DSN1: variants seen among roughly 807,000 people sequenced by gnomAD.
The protein encoded by DSN1 is kinetochore-associated protein DSN1 homolog.
DSN1 carries 31 observed loss-of-function variants against 45.7 expected under a neutral mutation model. The ratio of observed to expected loss-of-function variants is 0.68; its 90% CI spans 0.51 to 0.92. The LOEUF (loss-of-function observed/expected upper bound fraction) is 0.92, where lower values mean the gene tolerates loss of function less well. Ranked by LOEUF, DSN1 falls within the 40% of genes least tolerant of loss-of-function variation. The pLI is 0.00. For synonymous variants in DSN1, 134 were observed against 142.3 expected (o/e 0.94, Z 0.41); for missense variants, 394 against 414.2 (o/e 0.95, Z 0.42).
intron 9 of DSN1, 142 bp from the exon 10 acceptor site, chr20:36,754,992 G>A: frequency 1.5e-6 from 1 of 686,660 alleles, no homozygotes; most frequent in Non-Finnish European, 2.5e-6. Context: ...AATTCTGTTT[G>A]TTCCTCCAAA....
intron 5 of DSN1, among the ~76,000 whole-genome samples, chr20:36,765,961 G>A (rs1987308690): frequency 6.6e-6 from 1 of 151,466 alleles, no homozygotes; most frequent in African/African-American, 2.4e-5. Flanking sequence ...AGGAGGCCAA[G>A]GCGGGCGGAT....
intron 8 of DSN1, 68 bp downstream of exon 8, chr20:36,758,019 G>T: frequency 2.1e-6 from 3 of 1,416,278 alleles, no homozygotes; most frequent in Non-Finnish European, 3.0e-6. Flanking sequence ...TGTGCTAACA[G>T]AACTGAAATA....
At chr20:36,754,100 G>A (rs868274113) in intron 10 of DSN1, among the ~76,000 whole-genome samples, 2 of 152,150 alleles carry the variant, frequency 1.3e-5, no homozygotes, top group African/African-American at 2.4e-5. Flanking sequence ...GGCTGAGGCA[G>A]GATGATCACT....
chr20:36,770,437 C>T (rs1215704950), intron 3 of DSN1, among the ~76,000 whole-genome samples: 1 of 152,192 alleles, frequency 6.6e-6, no homozygotes, highest in Non-Finnish European at 1.5e-5. Flanking sequence ...AGGTATCAAC[C>T]CAACTATCTT....
intron 3 of DSN1, among the ~76,000 whole-genome samples, chr20:36,770,637 T>C (rs895302253): frequency 3.3e-5 from 5 of 152,146 alleles, no homozygotes; most frequent in South Asian, 2.1e-4. Context: ...AGTGGGAGGA[T>C]TGCTTGAGCC....
chr20:36,755,684 C>T lies in DSN1; in HGVS notation c.871G>A (p.Val291Met). 6.2e-7 allele frequency: 1 copy of T among 1,612,286 alleles called. No individual in the cohort carries two copies. Among genetic ancestry groups the T allele is most frequent in the Non-Finnish European group, 8.5e-7 (1 of 1,179,330 alleles). The part of the protein sequence containing the change: ...QSKVFDCMEL[V>M]MDELQGSVKQ... ...TAAATAAACATGAGCCCACTTACCA[C>T]CAACTCCATACAGTCAAAGACTTTG... Residue 291 changes from valine to methionine, a missense_variant and splice_region_variant, in exon 9 of 11, where the codon GTG (valine) becomes ATG (methionine). Coordinates refer to ENST00000373750, the MANE Select transcript of DSN1 (RefSeq NM_001145315.2).
At chr20:36,763,241 TAAAAATAC>T (rs2148272024) in intron 5 of DSN1, among the ~76,000 whole-genome samples, 2 of 151,536 alleles carry the variant, frequency 1.3e-5, no homozygotes, top group East Asian at 3.9e-4. Context: ...CTGTCTCTAC[TAAAAATAC>T]AAAAATATAC....
chr20:36,765,097 G>A (rs1023999551), intron 5 of DSN1, among the ~76,000 whole-genome samples: 4 of 151,914 alleles, frequency 2.6e-5, no homozygotes, highest in African/African-American at 9.7e-5. Context: ...AAGAAAACAA[G>A]TCCCTACATG....
At chr20:36,764,685 C>G (rs942739513) in intron 5 of DSN1, among the ~76,000 whole-genome samples, 7 of 152,120 alleles carry the variant, frequency 4.6e-5, no homozygotes, top group Non-Finnish European at 8.8e-5. Flanking sequence ...CTTTGGGAAG[C>G]TGAGGTGGGT....
chr20:36,761,778 C>T (rs1365782306), intron 6 of DSN1, among the ~76,000 whole-genome samples: 1 of 152,094 alleles, frequency 6.6e-6, no homozygotes, highest in Non-Finnish European at 1.5e-5. Flanking sequence ...GGGCGAATTA[C>T]TTGAGGTCAG....
Position 36,752,661 on chromosome 20 carries a change from TGTTCTACAGTCA to T in DSN1, c.*115_*126del. The T allele has an allele frequency of 1.5e-6, 1 of 668,464 alleles. No individual in the cohort carries two copies. The highest frequency in any genetic ancestry group is 1.8e-5 in the African/African-American group (1 of 55,466). The allele number at this position is 668,464 out of a possible 1,614,324, so 41.4% of individuals were successfully genotyped here. On this transcript the variant is annotated 3_prime_UTR_variant, in exon 11 of 11. Transcript: ENST00000373750. Reference sequence around the variant, plus strand: ...CATCACTTTTTGAAAAAAGTCAAAGTGTTCTACAGTCAGTCCTGCCAGTTATCTTCAAAGGCA... The same window carrying T: ...CATCACTTTTTGAAAAAAGTCAAAGTGTCCTGCCAGTTATCTTCAAAGGCA...
chr20:36,767,106 C>T (rs1047819047), intron 4 of DSN1, among the ~76,000 whole-genome samples: 12 of 151,642 alleles, frequency 7.9e-5, no homozygotes, highest in African/African-American at 2.9e-4. Flanking sequence ...GAGATGGAGA[C>T]CATCCTGGCC....
intron 6 of DSN1, among the ~76,000 whole-genome samples, chr20:36,762,122 T>G (rs545455496): frequency 4.1e-3 from 573 of 138,222 alleles, no homozygotes; most frequent in African/African-American, 0.017. Context: ...TTTTTTTTTT[T>G]GTGAGACAGA....
chr20:36,758,345 G>T (rs1986786264), intron 7 of DSN1, among the ~76,000 whole-genome samples, 184 bp from the exon 8 acceptor site: 1 of 152,166 alleles, frequency 6.6e-6, no homozygotes, highest in African/African-American at 2.4e-5. Context: ...AGTTCTTCAA[G>T]TCAAATTAAT....
At chr20:36,761,209 A>G (rs1986961741) in intron 6 of DSN1, among the ~76,000 whole-genome samples, 1 of 152,070 alleles carries the variant, frequency 6.6e-6, no homozygotes, top group African/African-American at 2.4e-5. Context: ...CCTTCTCACC[A>G]TTCATATCTT....
At chr20:36,766,665 TG>T in intron 5 of DSN1, 103 bp downstream of exon 5, 1 of 989,942 alleles carries the variant, frequency 1.0e-6, no homozygotes. Context: ...AAACAAAAGG[TG>T]GGGGAGCTAG....
chr20:36,763,410 G>GAAAAAAAAAAAAAAAAAAAAAAAA (rs71186016), intron 5 of DSN1, among the ~76,000 whole-genome samples: 1 of 84,100 alleles, frequency 1.2e-5, no homozygotes, highest in Non-Finnish European at 2.0e-5. Flanking sequence ...CTCAAAAAAA[G>GAAAAAAAAAAAAAAAAAAAAAAAA]AAAAAAAAAA....
chr20:36,758,470 T>C, intron 7 of DSN1, 88 bp downstream of exon 7: 1 of 1,187,664 alleles, frequency 8.4e-7, no homozygotes, highest in Non-Finnish European at 1.2e-6. Flanking sequence ...ACTCTCCAAA[T>C]ACAATGCTTA....
rs33998027 is a variant in DSN1 at position 36,765,247 on chromosome 20, T to TAAAAAAAAAA, written c.502+1512_502+1521dup. On this transcript the variant is annotated intron_variant, in intron 5 of 10. Coordinates refer to ENST00000373750, the MANE Select transcript of DSN1 (RefSeq NM_001145315.2). ...TGCATACGTGCCAAAAGGCTTGTGT[T>TAAAAAAAAAA]AAAAAAAAAAAAAAAAAAAAAAAAA... is the stretch of plus-strand genomic sequence containing the variant. 5.7e-4 allele frequency among the ~76,000 whole-genome samples: 43 copies of TAAAAAAAAAA among 75,276 alleles called. 5 individuals are homozygous for TAAAAAAAAAA. Among genetic ancestry groups the TAAAAAAAAAA allele is most frequent in the African/African-American group, 2.5e-3 (43 of 17,078 alleles). 49.4% of individuals were successfully genotyped at this position (75,276 alleles called of 152,430 possible).
Sources: allele counts gnomAD v4.1 joint callset (sites outside exome capture counted in the v4.1 genomes callset), GRCh38; gene constraint gnomAD v4.1.1; transcripts MANE v1.5; gene names NCBI Gene and HGNC (gene_info 2026-07-23, HGNC 2026-07-21).